Variants in CSMD1 observed in about 807,000 individuals in gnomAD.
The protein encoded by CSMD1 is CUB and Sushi multiple domains 1, also known as CUB and sushi domain-containing protein 1.
In CSMD1, 213 loss-of-function variants were observed where a neutral mutation model predicts 417.5. The ratio of observed to expected loss-of-function variants is 0.51; its 90% CI spans 0.46 to 0.57. The LOEUF (loss-of-function observed/expected upper bound fraction) is 0.57. CSMD1 is among the 20% of genes least tolerant of loss of function. The pLI, the probability that CSMD1 is intolerant of heterozygous loss-of-function variation, is 0.00. For synonymous variants in CSMD1, 2,862 were observed against 1,736.8 expected, an observed-to-expected ratio of 1.65 and a Z score of -16.11; for missense variants, 6,923 against 4,529.7, an observed-to-expected ratio of 1.53 and a Z score of -15.17.
At chr8:4,910,414 C>A (rs953924127) in intron 1 of CSMD1, among the ~76,000 whole-genome samples, 3 of 152,162 alleles carry the variant, frequency 2.0e-5, no homozygotes, top group Non-Finnish European at 4.4e-5. Context: ...TTATTTTTCA[C>A]ATTCTGGAGG....
At chr8:4,836,164 G>T (rs944812823) in intron 1 of CSMD1, among the ~76,000 whole-genome samples, 2 of 152,162 alleles carry the variant, frequency 1.3e-5, no homozygotes, top group Non-Finnish European at 2.9e-5. Flanking sequence ...TAAAACTGGG[G>T]TTATTTAAAT....
In CSMD1 at chr8:2,949,378, A is replaced by C; in HGVS notation, c.10323T>G (p.Ser3441=). ...DNWGLDGYVS[S]GLERGGFTFQ... ...AAGTAAATCCTCCTCTTTCAAGTCCAGATGACACCTGACACATAGGAAAGA... is the reference window on the plus strand; with the variant it reads ...AAGTAAATCCTCCTCTTTCAAGTCCCGATGACACCTGACACATAGGAAAGA... The change falls in exon 68 of 70, where the codon TCT becomes TCG. Residue 3441 remains serine (S), a synonymous_variant. Transcript: ENST00000635120. 1 of 1,576,002 alleles carries C rather than the reference A, an allele frequency of 6.3e-7. No individual in the cohort carries two copies. The highest frequency in any genetic ancestry group is 8.7e-7 in the Non-Finnish European group (1 of 1,154,278).
At chr8:3,059,886 AC>A (rs1322360834) in intron 49 of CSMD1, among the ~76,000 whole-genome samples, 1 of 152,104 alleles carries the variant, frequency 6.6e-6, no homozygotes, top group Non-Finnish European at 1.5e-5. Flanking sequence ...AACGGGATTC[AC>A]TTCAGGGCAA....
intron 10 of CSMD1, among the ~76,000 whole-genome samples, chr8:3,534,473 C>G (rs1007528480): frequency 6.7e-6 from 1 of 149,806 alleles, no homozygotes; most frequent in African/African-American, 2.5e-5. Flanking sequence ...ATGACACCCT[C>G]TCTCATGCTC....
intron 2 of CSMD1, among the ~76,000 whole-genome samples, chr8:4,591,284 G>A (rs1036603185): frequency 6.6e-6 from 1 of 152,214 alleles, no homozygotes; most frequent in African/African-American, 2.4e-5. Flanking sequence ...GAAGTACGAA[G>A]TCGAACAAAG....
chr8:3,677,057 G>A (rs538845615), intron 7 of CSMD1, among the ~76,000 whole-genome samples: 1 of 151,982 alleles, frequency 6.6e-6, no homozygotes, highest in Admixed American at 6.6e-5. Flanking sequence ...AATGCATACG[G>A]GGCTTAAAAA....
chr8:4,386,650 G>C (rs1803474654), intron 3 of CSMD1, among the ~76,000 whole-genome samples: 2 of 152,204 alleles, frequency 1.3e-5, no homozygotes, highest in South Asian at 4.1e-4. Context: ...AGTTATCTCA[G>C]CCTTTCAGGA....
chr8:4,392,495 A>T (rs1212692094), intron 3 of CSMD1, among the ~76,000 whole-genome samples: 1 of 152,140 alleles, frequency 6.6e-6, no homozygotes, highest in Non-Finnish European at 1.5e-5. Context: ...AGCCAAAGAA[A>T]AGGTAAAGAA....
chr8:3,949,985 T>C (rs572054476), intron 5 of CSMD1: 1 of 455,940 alleles, frequency 2.2e-6, no homozygotes, highest in East Asian at 7.0e-5. Context: ...CAGGCTTGCA[T>C]GAAATTACCC....
chr8:4,099,944 A>G (rs556751584), intron 3 of CSMD1, among the ~76,000 whole-genome samples: 32 of 152,322 alleles, frequency 2.1e-4, no homozygotes, highest in African/African-American at 7.2e-4. Flanking sequence ...ACAATAGTGA[A>G]TAAAAATACT....
intron 2 of CSMD1, among the ~76,000 whole-genome samples, chr8:4,473,144 G>T (rs1265716227): frequency 6.6e-6 from 1 of 151,720 alleles, no homozygotes; most frequent in Non-Finnish European, 1.5e-5. Flanking sequence ...GTAAATTCCT[G>T]GAATATAGAT....
intron 3 of CSMD1, among the ~76,000 whole-genome samples, chr8:4,064,598 C>G (rs1365280): frequency 3.3e-5 from 5 of 152,004 alleles, no homozygotes; most frequent in African/African-American, 4.8e-5. Flanking sequence ...CTGCCGTTTC[C>G]GAACGTGGCA....
intron 12 of CSMD1, among the ~76,000 whole-genome samples, chr8:3,410,957 G>T (rs926278972): frequency 6.6e-6 from 1 of 152,126 alleles, no homozygotes; most frequent in South Asian, 2.1e-4. Flanking sequence ...AAAATGCCCT[G>T]AAGGAAGATG....
At chr8:4,949,858 G>T (rs551804097) in intron 1 of CSMD1, among the ~76,000 whole-genome samples, 1 of 152,194 alleles carries the variant, frequency 6.6e-6, no homozygotes, top group African/African-American at 2.4e-5. Context: ...AATATATAAG[G>T]TTAGTTCAAA....
chr8:4,439,471 C>A (rs1798337109), intron 2 of CSMD1, among the ~76,000 whole-genome samples: 1 of 150,304 alleles, frequency 6.7e-6, no homozygotes, highest in African/African-American at 2.5e-5. Context: ...TTATGTTTTC[C>A]TACTTTCTTC....
At chr8:4,181,828 A>G (rs187290939) in intron 3 of CSMD1, among the ~76,000 whole-genome samples, 2 of 152,356 alleles carry the variant, frequency 1.3e-5, no homozygotes, top group Non-Finnish European at 2.9e-5. Flanking sequence ...AATGTAATAT[A>G]CATTCGTACA....
At chr8:4,041,070 G>A (rs9772458) in intron 3 of CSMD1, among the ~76,000 whole-genome samples, 9,957 of 135,672 alleles carry the variant, frequency 0.073, 515 homozygotes, top group Middle Eastern at 0.16. Context: ...AGGCTGGAGT[G>A]CAGTGGCGCG....
intron 3 of CSMD1, among the ~76,000 whole-genome samples, chr8:4,213,776 G>A (rs1465480560): frequency 3.3e-5 from 5 of 152,312 alleles, no homozygotes; most frequent in East Asian, 3.9e-4. Flanking sequence ...CCTGCCAGCT[G>A]TGGTGAGGGT....
At chr8:4,802,515 G>A (rs901447431) in intron 1 of CSMD1, among the ~76,000 whole-genome samples, 2 of 152,132 alleles carry the variant, frequency 1.3e-5, no homozygotes, top group African/African-American at 4.8e-5. Flanking sequence ...AGAAAAGACA[G>A]AGTGTGAATT....
Sources: gnomAD v4.1 joint callset for allele counts (sites outside exome capture counted in the v4.1 genomes callset) on GRCh38, gnomAD v4.1.1 for gene constraint, MANE v1.5 for transcripts, NCBI Gene and HGNC (gene_info 2026-07-23, HGNC 2026-07-21) for gene names.